Variants in MAPK10 observed in about 807,000 individuals in gnomAD.
The protein encoded by MAPK10 is mitogen-activated protein kinase 10, also known as JNK3 alpha protein kinase.
MAPK10 carries 25 observed loss-of-function variants against 59.3 expected under a neutral mutation model. The ratio of observed to expected loss-of-function variants is 0.42; its 90% confidence interval spans 0.31 to 0.59. MAPK10 has a LOEUF of 0.59. MAPK10 is among the 20% of genes least tolerant of loss of function. The probability of loss-of-function intolerance (pLI) is 0.15; values close to 1 mark genes in which losing one functional copy is unlikely to be tolerated. For missense variants in MAPK10, 351 were observed against 568.9 expected (o/e 0.62, Z 3.90); for synonymous variants, 190 against 200.5 (o/e 0.95, Z 0.44).
intron 3 of MAPK10, among the ~76,000 whole-genome samples, chr4:86,162,062 G>C (rs189389716): frequency 1.8e-4 from 28 of 151,860 alleles, no homozygotes; most frequent in African/African-American, 6.8e-4. Context: ...AAATGCTGAT[G>C]ATATACATAT....
chr4:86,102,105 TCTC>T (rs2055527653), intron 6 of MAPK10, 73 bp from the exon 7 acceptor site: 1 of 1,329,570 alleles, frequency 7.5e-7, no homozygotes, highest in Non-Finnish European at 1.1e-6. Context: ...GTCAGAATGC[TCTC>T]CTAACTCTGT....
chr4:86,122,830 GA>G (rs2059479374), intron 4 of MAPK10, among the ~76,000 whole-genome samples: 1 of 145,616 alleles, frequency 6.9e-6, no homozygotes, highest in Non-Finnish European at 1.6e-5. Context: ...GTAAACTCCT[GA>G]TTTATTTGGA....
At chr4:86,094,039 T>C (rs994757368) in intron 9 of MAPK10, among the ~76,000 whole-genome samples, 2 of 151,946 alleles carry the variant, frequency 1.3e-5, no homozygotes, top group Non-Finnish European at 2.9e-5. Context: ...TTAGACTATA[T>C]AGTAAGTTGT....
At chr4:86,309,818 C>T (rs1054510201) in intron 2 of MAPK10, among the ~76,000 whole-genome samples, 1 of 152,118 alleles carries the variant, frequency 6.6e-6, no homozygotes, top group Non-Finnish European at 1.5e-5. Flanking sequence ...GCTTAATAAA[C>T]GCAACCTAAG....
At chr4:86,263,724 C>T (rs2094113325) in intron 2 of MAPK10, among the ~76,000 whole-genome samples, 1 of 152,206 alleles carries the variant, frequency 6.6e-6, no homozygotes, top group Non-Finnish European at 1.5e-5. Context: ...CTCTCTGAGC[C>T]TCTGTTTCTT....
At chr4:86,558,543 G>A (rs1036455980) in intron 1 of MAPK10, among the ~76,000 whole-genome samples, 2 of 151,958 alleles carry the variant, frequency 1.3e-5, no homozygotes, top group Non-Finnish European at 2.9e-5. Context: ...GCTTCAAAAC[G>A]GCTCACAGAT....
chr4:86,154,146 T>A lies in MAPK10; in HGVS notation c.236+5152A>T, dbSNP rs974885537. Among the ~76,000 whole-genome samples, 3 of 152,100 alleles carry A rather than the reference T, an allele frequency of 2.0e-5. No individual in the cohort carries two copies. The East Asian group carries it at 5.8e-4, about 29-fold the overall frequency. On this transcript the variant is annotated intron_variant, in intron 4 of 13. Coordinates refer to ENST00000641462, the MANE Select transcript of MAPK10 (RefSeq NM_138982.4). ...CTGGGGCCCACTGATCAAGTCTGTT[T>A]TGTATTATTGAGGAAGAGTGATGCT... is the stretch of plus-strand genomic sequence containing the variant.
At chr4:86,028,745 C>A (rs10004712) in intron 13 of MAPK10, 1 of 183,690 alleles carries the variant, frequency 5.4e-6, no homozygotes, top group South Asian at 1.1e-4. Flanking sequence ...CCAAGCTGAC[C>A]TTAACCGGAG....
intron 2 of MAPK10, among the ~76,000 whole-genome samples, chr4:86,290,254 G>C (rs988461050): frequency 6.6e-6 from 1 of 152,196 alleles, no homozygotes; most frequent in Non-Finnish European, 1.5e-5. Flanking sequence ...CTGGAAAGTG[G>C]CCCTGTGGTA....
At chr4:86,353,284 C>T (rs1303220145) in intron 2 of MAPK10, among the ~76,000 whole-genome samples, 1 of 152,126 alleles carries the variant, frequency 6.6e-6, no homozygotes, top group East Asian at 1.9e-4. Context: ...AGACTGAGGG[C>T]TCCTTTAAAG....
At chr4:86,525,626 T>A (rs1193441722) in intron 1 of MAPK10, among the ~76,000 whole-genome samples, 1 of 152,036 alleles carries the variant, frequency 6.6e-6, no homozygotes, top group Admixed American at 6.6e-5. Flanking sequence ...GAAAAGTGAG[T>A]ATAAAGGTTG....
chr4:86,199,761 G>A (rs1338761091), intron 2 of MAPK10, among the ~76,000 whole-genome samples: 1 of 151,922 alleles, frequency 6.6e-6, no homozygotes, highest in South Asian at 2.1e-4. Context: ...ACAGAAAAAA[G>A]GTCAAGTGAC....
chr4:86,334,456 C>T (rs1051482000), intron 2 of MAPK10, among the ~76,000 whole-genome samples: 9 of 152,160 alleles, frequency 5.9e-5, no homozygotes, highest in African/African-American at 2.2e-4. Flanking sequence ...GTCTGTGACT[C>T]CACTTAAAAG....
intron 2 of MAPK10, among the ~76,000 whole-genome samples, chr4:86,322,745 C>T: frequency 6.6e-6 from 1 of 152,190 alleles, no homozygotes; most frequent in East Asian, 1.9e-4. Flanking sequence ...ATGTAAACCC[C>T]ATTCTCTTTC....
intron 4 of MAPK10, among the ~76,000 whole-genome samples, chr4:86,149,710 G>C (rs1049798049): frequency 1.3e-5 from 2 of 152,196 alleles, no homozygotes; most frequent in Non-Finnish European, 2.9e-5. Flanking sequence ...AGTAAATCCA[G>C]GCACTGTATT....
chr4:86,086,010 C>T (rs1454192547), intron 9 of MAPK10, among the ~76,000 whole-genome samples: 1 of 152,004 alleles, frequency 6.6e-6, no homozygotes, highest in African/African-American at 2.4e-5. Context: ...ACACTGGGGC[C>T]TGTCAGGGGA....
rs534949733 is a variant in MAPK10, at chr4:86,013,249, C to T, written c.*3979G>A. On this transcript the variant is annotated 3_prime_UTR_variant, in exon 14 of 14. Coordinates refer to ENST00000641462, the MANE Select transcript of MAPK10 (RefSeq NM_138982.4). Reference sequence around the variant, plus strand: ...GCTAAAATAACTATTTACATTGCAACTTTTTTGTTGTTTTTACAGAGAGGA... The same window carrying T: ...GCTAAAATAACTATTTACATTGCAATTTTTTTGTTGTTTTTACAGAGAGGA... 5 of 152,190 alleles carry T rather than the reference C, an allele frequency of 3.3e-5. No homozygotes were observed. Among genetic ancestry groups the T allele is most frequent in the African/African-American group, 1.2e-4 (5 of 41,534 alleles). The allele number at this position is 152,190 out of a possible 1,614,324, so 9.4% of individuals were successfully genotyped here. A position where few individuals can be genotyped will look rare whatever the true frequency, so the allele number is the denominator to read the frequency against.
intron 9 of MAPK10, among the ~76,000 whole-genome samples, chr4:86,094,563 G>C (rs1236385358): frequency 6.6e-6 from 1 of 151,890 alleles, no homozygotes; most frequent in Non-Finnish European, 1.5e-5. Flanking sequence ...AAAAAATAAG[G>C]TTGAAGAATG....
At chr4:86,061,840 T>C (rs2045819550) in intron 11 of MAPK10, among the ~76,000 whole-genome samples, 2 of 152,170 alleles carry the variant, frequency 1.3e-5, no homozygotes, top group African/African-American at 4.8e-5. Flanking sequence ...AATTATTTGA[T>C]ACTTCCATTT....
Sources: gnomAD v4.1 joint callset for allele counts (sites outside exome capture counted in the v4.1 genomes callset) on GRCh38, gnomAD v4.1.1 for gene constraint, MANE v1.5 for transcripts, NCBI Gene and HGNC (gene_info 2026-07-23, HGNC 2026-07-21) for gene names.